Variants in GLI3 observed in about 807,000 individuals in gnomAD.
The protein encoded by GLI3 is GLI family zinc finger 3.
GLI3 carries 20 observed loss-of-function variants against 100.8 expected under a neutral mutation model. That is an observed-to-expected ratio of 0.20 (90% CI 0.14 to 0.29). The LOEUF is 0.29. GLI3 is among the 10% of genes least tolerant of loss of function. GLI3 has a pLI of 1.00. For missense variants in GLI3, 2,040 were observed against 2,128.5 expected, an observed-to-expected ratio of 0.96 and a Z score of 0.82; for synonymous variants, 938 against 860.5, an observed-to-expected ratio of 1.09 and a Z score of -1.58.
intron 3 of GLI3, among the ~76,000 whole-genome samples, chr7:42,143,846 A>C (rs1786632235): frequency 6.6e-6 from 1 of 152,208 alleles, no homozygotes; most frequent in Non-Finnish European, 1.5e-5. Flanking sequence ...GGCAGAAGAA[A>C]AGCAGCCTTC....
At chr7:42,033,916 G>T (rs899742226) in intron 7 of GLI3, among the ~76,000 whole-genome samples, 1 of 152,148 alleles carries the variant, frequency 6.6e-6, no homozygotes, top group Admixed American at 6.5e-5. Context: ...AGACCCACAT[G>T]CTCTTAAGTA....
At chr7:41,997,610 T>C (rs761432680) in intron 10 of GLI3, among the ~76,000 whole-genome samples, 2 of 152,212 alleles carry the variant, frequency 1.3e-5, no homozygotes, top group Admixed American at 6.5e-5. Context: ...GTTGTGTGTG[T>C]CCTAATTCTC....
chr7:41,983,386 GA>G (rs973615574), intron 10 of GLI3, among the ~76,000 whole-genome samples: 3 of 150,162 alleles, frequency 2.0e-5, no homozygotes, highest in East Asian at 2.0e-4. Flanking sequence ...CTAGGACTAA[GA>G]AAAAAAAACA....
intron 2 of GLI3, among the ~76,000 whole-genome samples, chr7:42,199,816 G>A (rs1009227225): frequency 3.9e-5 from 6 of 152,294 alleles, no homozygotes; most frequent in South Asian, 4.1e-4. Context: ...AGCACTTTGC[G>A]AGGTCGAGGC....
chr7:42,000,844 T>C (rs1295156582), intron 10 of GLI3, among the ~76,000 whole-genome samples: 2 of 151,918 alleles, frequency 1.3e-5, no homozygotes, highest in African/African-American at 2.4e-5. Context: ...TAAAGGAAAC[T>C]GAGATAAATT....
chr7:42,153,005 G>A (rs1301379569), intron 2 of GLI3, among the ~76,000 whole-genome samples: 2 of 152,190 alleles, frequency 1.3e-5, no homozygotes, highest in African/African-American at 4.8e-5. Context: ...TGGACCGAGT[G>A]AAACATGTTC....
At chr7:41,970,127 A>G (rs549885171) in intron 13 of GLI3, among the ~76,000 whole-genome samples, 1 of 152,316 alleles carries the variant, frequency 6.6e-6, no homozygotes, top group African/African-American at 2.4e-5. Flanking sequence ...AAACAAAACA[A>G]AAAGGACAGA....
intron 3 of GLI3, among the ~76,000 whole-genome samples, chr7:42,126,955 C>T (rs1374053643): frequency 3.9e-5 from 6 of 152,214 alleles, no homozygotes; most frequent in African/African-American, 1.2e-4. Context: ...AACCCAATGA[C>T]GAGCGTCAGT....
chr7:42,207,293 T>C (rs1331540937), intron 2 of GLI3, among the ~76,000 whole-genome samples: 4 of 152,192 alleles, frequency 2.6e-5, no homozygotes, highest in Non-Finnish European at 5.9e-5. Flanking sequence ...CAACAGAGCG[T>C]TTCTTTCTTG....
chr7:42,088,640 C>T (rs1180233007), intron 3 of GLI3, among the ~76,000 whole-genome samples: 1 of 152,246 alleles, frequency 6.6e-6, no homozygotes, highest in Non-Finnish European at 1.5e-5. Context: ...TCTTCCCCTC[C>T]ATGATTCCTG....
chr7:42,095,345 G>C (rs141790553), intron 3 of GLI3, among the ~76,000 whole-genome samples: 300 of 152,308 alleles, frequency 2.0e-3, no homozygotes, highest in African/African-American at 6.6e-3. Context: ...GGCCTGTTCA[G>C]GGCTCCTACA....
intron 2 of GLI3, among the ~76,000 whole-genome samples, chr7:42,206,044 G>C (rs945046438): frequency 1.4e-4 from 21 of 152,130 alleles, no homozygotes; most frequent in African/African-American, 5.1e-4. Context: ...GAGGCTGGTG[G>C]ATCATCTGAG....
At chr7:41,984,362 G>A (rs567938654) in intron 10 of GLI3, among the ~76,000 whole-genome samples, 7 of 152,222 alleles carry the variant, frequency 4.6e-5, no homozygotes, top group South Asian at 4.1e-4. Context: ...CGCCGTTCAC[G>A]CAGCTCATGA....
chr7:41,964,064 G>GGTTT lies in GLI3; in HGVS notation c.*265_*266insAAAC. 1 of 205,308 alleles carries GGTTT rather than the reference G, an allele frequency of 4.9e-6. No homozygotes were observed. The highest frequency in any genetic ancestry group is 9.5e-6 in the Non-Finnish European group (1 of 105,502). 12.7% of individuals were successfully genotyped at this position (205,308 alleles called of 1,614,324 possible). A position where few individuals can be genotyped will look rare whatever the true frequency, so the allele number is the denominator to read the frequency against. Reference sequence around the variant, plus strand: ...TACTAAAAAGGGGGCGGGGCTTACAGTTTTTTTTTTTTTTTTTAAAAAGAG... The same window carrying GGTTT: ...TACTAAAAAGGGGGCGGGGCTTACAGGTTTTTTTTTTTTTTTTTTTTAAAAAGAG... On this transcript the variant is annotated 3_prime_UTR_variant, in exon 15 of 15. Transcript: ENST00000395925.
At position 42,059,485 on chromosome 7, in the gene GLI3, CAAATTAT is replaced by C. The variant is rs1784525517; in HGVS notation, c.474-10796_474-10790del. 3.3e-5 allele frequency among the ~76,000 whole-genome samples: 5 copies of C among 149,558 alleles called. No individual in the cohort carries two copies. The East Asian group carries it at 9.7e-4, about 29-fold the overall frequency. On this transcript the variant is annotated intron_variant, in intron 4 of 14. Transcript: ENST00000395925. ...AATATTCATTTATAATTCTTAATTA[CAAATTAT>C]AAATTAATTAATATAATAAAAATAA...
intron 4 of GLI3, among the ~76,000 whole-genome samples, chr7:42,067,241 T>C (rs1228954194): frequency 6.6e-6 from 1 of 152,180 alleles, no homozygotes; most frequent in African/African-American, 2.4e-5. Flanking sequence ...AAACTTTCCT[T>C]AGTGTGCATA....
chr7:42,133,341 C>T (rs1310238710), intron 3 of GLI3, among the ~76,000 whole-genome samples: 3 of 152,116 alleles, frequency 2.0e-5, no homozygotes, highest in Non-Finnish European at 4.4e-5. Context: ...GACAAGTAAA[C>T]GACAGAACAC....
chr7:42,188,303 G>T (rs544007802), intron 2 of GLI3, among the ~76,000 whole-genome samples: 207 of 152,194 alleles, frequency 1.4e-3, no homozygotes, highest in Non-Finnish European at 2.1e-3. Context: ...AGGTGGAAAG[G>T]TCTCTATCCT....
intron 10 of GLI3, among the ~76,000 whole-genome samples, chr7:42,012,907 C>G (rs1449052537): frequency 1.3e-5 from 2 of 152,204 alleles, no homozygotes; most frequent in Non-Finnish European, 2.9e-5. Context: ...AAGACCTCCT[C>G]TTCACAAACT....
Sources: allele counts gnomAD v4.1 joint callset (sites outside exome capture counted in the v4.1 genomes callset), GRCh38; gene constraint gnomAD v4.1.1; transcripts MANE v1.5; gene names NCBI Gene and HGNC (gene_info 2026-07-23, HGNC 2026-07-21).